The following COL5A2 variants were observed in gnomAD, a reference collection of about 807,000 sequenced individuals.
The protein encoded by COL5A2 is collagen alpha-2(V) chain.
COL5A2 carries 23 observed loss-of-function variants against 208.2 expected under a neutral mutation model. The ratio of observed to expected loss-of-function variants is 0.11; its 90% CI spans 0.08 to 0.16. The LOEUF (loss-of-function observed/expected upper bound fraction) is 0.16, where lower values mean the gene tolerates loss of function less well. Among genes scored for constraint, COL5A2 ranks in the 10% least tolerant of loss-of-function variants. COL5A2 has a pLI of 1.00. For missense variants in COL5A2, 1,590 were observed against 1,956.4 expected (o/e 0.81, Z 3.53); for synonymous variants, 625 against 628.5 (o/e 0.99, Z 0.08).
intron 1 of COL5A2, among the ~76,000 whole-genome samples, chr2:189,159,950 AT>A (rs1261070314): frequency 2.6e-5 from 4 of 152,148 alleles, no homozygotes; most frequent in Middle Eastern, 3.4e-3. Flanking sequence ...AGTAAATTGT[AT>A]TTTTTCCTCA....
intron 6 of COL5A2, 57 bp downstream of exon 6, chr2:189,097,220 C>A: frequency 6.5e-7 from 1 of 1,540,040 alleles, no homozygotes; most frequent in East Asian, 2.2e-5. Context: ...ATTCAGAGAA[C>A]ACAGTGTAAA....
intron 17 of COL5A2, among the ~76,000 whole-genome samples, chr2:189,074,369 T>C (rs1029204520): frequency 6.6e-6 from 1 of 152,084 alleles, no homozygotes; most frequent in Non-Finnish European, 1.5e-5. Context: ...TACAGAGGAT[T>C]ACCTATGAAA....
the COL5A2 span, among the ~76,000 whole-genome samples, chr2:189,359,253 A>G: frequency 1.3e-5 from 2 of 152,046 alleles, no homozygotes; most frequent in African/African-American, 4.8e-5. Flanking sequence ...CTTCTTCTAT[A>G]TCTAATTTGC....
intron 6 of COL5A2, among the ~76,000 whole-genome samples, chr2:189,093,565 A>C (rs566317804): frequency 6.5e-4 from 99 of 152,262 alleles, no homozygotes; most frequent in East Asian, 5.4e-3. Flanking sequence ...TTATTTTAAT[A>C]TATTTAAACA....
the COL5A2 span, among the ~76,000 whole-genome samples, chr2:189,333,044 T>C: frequency 3.3e-5 from 5 of 152,314 alleles, no homozygotes; most frequent in Non-Finnish European, 7.3e-5. Flanking sequence ...ACATCAGTGT[T>C]TTACATAAAG....
At chr2:189,272,206 G>A in the COL5A2 span, among the ~76,000 whole-genome samples, 1 of 152,166 alleles carries the variant, frequency 6.6e-6, no homozygotes, top group African/African-American at 2.4e-5. Context: ...AAAGACACAT[G>A]CACACGTATG....
At chr2:189,270,213 G>A in the COL5A2 span, among the ~76,000 whole-genome samples, 2,364 of 151,974 alleles carry the variant, frequency 0.016, 57 homozygotes, top group African/African-American at 0.054. Context: ...TTTTTGAAGC[G>A]TTTTTCGCAT....
intron 2 of COL5A2, among the ~76,000 whole-genome samples, chr2:189,104,571 T>C (rs1687113769): frequency 6.6e-6 from 1 of 151,960 alleles, no homozygotes. Context: ...ATGAATTATC[T>C]TTCATCAATA....
At chr2:189,379,651 A>T in the COL5A2 span, among the ~76,000 whole-genome samples, 5 of 152,220 alleles carry the variant, frequency 3.3e-5, no homozygotes, top group Non-Finnish European at 5.9e-5. Flanking sequence ...ATTAGTCATT[A>T]TCACACTATA....
At chr2:189,089,400 T>C (rs1467118677) in intron 7 of COL5A2, among the ~76,000 whole-genome samples, 1 of 152,236 alleles carries the variant, frequency 6.6e-6, no homozygotes, top group African/African-American at 2.4e-5. Context: ...ATTTTAGTAG[T>C]CACATTAGTT....
chr2:189,087,337 G>A (rs986043894), intron 8 of COL5A2, among the ~76,000 whole-genome samples: 7 of 151,898 alleles, frequency 4.6e-5, no homozygotes, highest in Admixed American at 1.3e-4. Flanking sequence ...ACATGAAATC[G>A]TTCCACTGAG....
At chr2:189,222,937 G>T (rs555413483) in intron 1 of COL5A2, among the ~76,000 whole-genome samples, 1 of 152,132 alleles carries the variant, frequency 6.6e-6, no homozygotes, top group South Asian at 2.1e-4. Context: ...AGTCTCTTAC[G>T]GTGAGAAATT....
At chr2:189,080,052 T>A in intron 13 of COL5A2, 21 bp from the exon 14 acceptor site, 1 of 1,599,252 alleles carries the variant, frequency 6.3e-7, no homozygotes. Context: ...AAATGTAAAT[T>A]TGTATTTGTA....
At chr2:189,093,787 A>G (rs182638274) in intron 6 of COL5A2, among the ~76,000 whole-genome samples, 1 of 152,310 alleles carries the variant, frequency 6.6e-6, no homozygotes, top group East Asian at 1.9e-4. Flanking sequence ...GCTGATTTCA[A>G]TTGTTCTCTA....
the COL5A2 span, among the ~76,000 whole-genome samples, chr2:189,288,089 G>A: frequency 6.6e-6 from 1 of 152,192 alleles, no homozygotes; most frequent in Admixed American, 6.5e-5. Context: ...TATGCCACCT[G>A]CTGTTTATGG....
the COL5A2 span, among the ~76,000 whole-genome samples, chr2:189,369,850 C>T: frequency 6.6e-6 from 1 of 152,190 alleles, no homozygotes; most frequent in African/African-American, 2.4e-5. Context: ...TGAGGTCTAG[C>T]AGGTCACACG....
chr2:189,063,243 C>A lies in COL5A2; in HGVS notation c.1798G>T (p.Gly600Cys), dbSNP rs1299127147. The change falls in exon 27 of 54, where the codon GGT becomes TGT. Residue 600 changes from glycine (G) to cysteine (C), a missense_variant. Physicochemically the swap from Gly to Cys is radical, Grantham distance 159. Coordinates refer to ENST00000374866, the MANE Select transcript of COL5A2 (RefSeq NM_000393.5). ...CTGATTCCTATGGAGCCTGGAGGACCTGGACGGCCATCTTCCCCTGGCGCA... is the reference window on the plus strand; with the variant it reads ...CTGATTCCTATGGAGCCTGGAGGACATGGACGGCCATCTTCCCCTGGCGCA... ...LGAPGEDGRPGPPGSIGIRGQ... is the reference protein window; with the variant it reads ...LGAPGEDGRPCPPGSIGIRGQ... The A allele has an allele frequency of 6.2e-7, 1 of 1,614,114 alleles. No homozygotes were observed. Among genetic ancestry groups the A allele is most frequent in the Non-Finnish European group, 8.5e-7 (1 of 1,180,030 alleles).
chr2:189,262,584 A>AC, the COL5A2 span, among the ~76,000 whole-genome samples: 4 of 151,986 alleles, frequency 2.6e-5, no homozygotes, highest in Non-Finnish European at 5.9e-5. Flanking sequence ...AGTCTTCTTT[A>AC]TAAAAAATAT....
the COL5A2 span, among the ~76,000 whole-genome samples, chr2:189,283,279 C>G: frequency 5.7e-3 from 853 of 150,968 alleles, 7 homozygotes; most frequent in African/African-American, 0.019. Flanking sequence ...AGAAAAGGAA[C>G]CAGGGAAGGA....
Sources: gnomAD v4.1 joint callset for allele counts (sites outside exome capture counted in the v4.1 genomes callset) on GRCh38, gnomAD v4.1.1 for gene constraint, MANE v1.5 for transcripts, NCBI Gene and HGNC (gene_info 2026-07-23, HGNC 2026-07-21) for gene names.